Variants in SPAG16 observed in about 807,000 individuals in gnomAD.
The protein encoded by SPAG16 is sperm associated antigen 16.
A neutral mutation model predicts 80.4 loss-of-function variants in SPAG16; 86 were observed. The ratio of observed to expected loss-of-function variants is 1.07; its 90% CI spans 0.90 to 1.28. The LOEUF is 1.28. Ranked by LOEUF, SPAG16 falls within the 50% of genes most tolerant of loss-of-function variation. The pLI, the probability that SPAG16 is intolerant of heterozygous loss-of-function variation, is 0.00. For missense variants in SPAG16, 870 were observed against 765.3 expected (o/e 1.14, Z -1.61); for synonymous variants, 294 against 265.9 (o/e 1.11, Z -1.03).
chr2:213,363,988 A>G, intron 7 of SPAG16, 88 bp from the exon 8 acceptor site: 1 of 467,040 alleles, frequency 2.1e-6, no homozygotes. Context: ...TTTATATTTT[A>G]CAATGGATAT....
chr2:213,310,310 T>C, intron 4 of SPAG16, 133 bp downstream of exon 4: 1 of 450,674 alleles, frequency 2.2e-6, no homozygotes, highest in Non-Finnish European at 4.0e-6. Context: ...TCTCCAGCCC[T>C]GAAACCACAA....
rs1575715842 is a variant in SPAG16, at chr2:213,980,283, G to C, written c.1401-33668G>C. ...TGTATATATATTCTCTATATATATA[G>C]AATATATGTGTGTATATATATTCTC... On this transcript the variant is annotated intron_variant, in intron 12 of 15. Coordinates refer to ENST00000331683, the MANE Select transcript of SPAG16 (RefSeq NM_024532.5). Among the ~76,000 whole-genome samples, 30 of 39,030 alleles carry C rather than the reference G, an allele frequency of 7.7e-4. 4 individuals carry two copies. The highest frequency in any genetic ancestry group is 6.3e-3 in the African/African-American group (30 of 4,798). The allele number at this position is 39,030 out of a possible 152,430, so 25.6% of individuals were successfully genotyped here. A position where few individuals can be genotyped will look rare whatever the true frequency, so the allele number is the denominator to read the frequency against.
chr2:213,492,150 C>G (rs559705351), intron 10 of SPAG16, among the ~76,000 whole-genome samples: 1 of 152,294 alleles, frequency 6.6e-6, no homozygotes, highest in African/African-American at 2.4e-5. Flanking sequence ...TCTGCGACTT[C>G]TTTCTCTGTA....
At chr2:214,207,796 G>T (rs2058184801) in intron 15 of SPAG16, among the ~76,000 whole-genome samples, 1 of 152,192 alleles carries the variant, frequency 6.6e-6, no homozygotes, top group African/African-American at 2.4e-5. Context: ...GAACAAAGCA[G>T]AGAAGAAGGT....
chr2:213,704,339 C>A (rs1386129507), intron 10 of SPAG16, among the ~76,000 whole-genome samples: 6 of 152,090 alleles, frequency 3.9e-5, no homozygotes, highest in African/African-American at 7.2e-5. Context: ...GCTTTACAGG[C>A]ACTACAGTAT....
intron 11 of SPAG16, among the ~76,000 whole-genome samples, chr2:213,879,694 C>T (rs1302778013): frequency 6.6e-6 from 1 of 151,990 alleles, no homozygotes; most frequent in Non-Finnish European, 1.5e-5. Flanking sequence ...GCAGAGTGTG[C>T]TCAATCTTTA....
intron 10 of SPAG16, among the ~76,000 whole-genome samples, chr2:213,762,754 G>A (rs185388979): frequency 1.9e-4 from 29 of 152,202 alleles, no homozygotes; most frequent in Middle Eastern, 6.8e-3. Context: ...CACCAAAAGC[G>A]TAGGCAACAA....
At chr2:213,846,857 T>C (rs140974219) in intron 10 of SPAG16, among the ~76,000 whole-genome samples, 87 of 152,308 alleles carry the variant, frequency 5.7e-4, no homozygotes, top group African/African-American at 2.0e-3. Flanking sequence ...TGGCTTCTGC[T>C]GCTTAGAATC....
chr2:214,087,463 C>T (rs2051847677), intron 13 of SPAG16, among the ~76,000 whole-genome samples: 1 of 151,972 alleles, frequency 6.6e-6, no homozygotes, highest in Non-Finnish European at 1.5e-5. Flanking sequence ...CATTATGTCC[C>T]AGGAAACTGT....
chr2:213,854,431 A>G (rs1248401491), intron 10 of SPAG16, among the ~76,000 whole-genome samples: 1 of 152,206 alleles, frequency 6.6e-6, no homozygotes, highest in Non-Finnish European at 1.5e-5. Flanking sequence ...AAATGCCCTG[A>G]TGGATCAGTA....
intron 9 of SPAG16, among the ~76,000 whole-genome samples, chr2:213,480,349 A>T (rs1283734854): frequency 6.6e-6 from 1 of 152,224 alleles, no homozygotes; most frequent in East Asian, 1.9e-4. Flanking sequence ...ATATCCCCTT[A>T]GCCAATAATG....
At chr2:214,283,646 C>T (rs764927917) in intron 15 of SPAG16, among the ~76,000 whole-genome samples, 1 of 152,034 alleles carries the variant, frequency 6.6e-6, no homozygotes, top group East Asian at 1.9e-4. Context: ...AAAGCTTTAG[C>T]CAAAATTTAG....
At chr2:214,379,638 A>G (rs1700337900) in intron 15 of SPAG16, among the ~76,000 whole-genome samples, 1 of 152,228 alleles carries the variant, frequency 6.6e-6, no homozygotes, top group East Asian at 1.9e-4. Context: ...AGGTGAGGAA[A>G]GATCCCTCTA....
At chr2:213,343,561 A>G (rs1376383258) in intron 6 of SPAG16, among the ~76,000 whole-genome samples, 1 of 152,182 alleles carries the variant, frequency 6.6e-6, no homozygotes, top group Non-Finnish European at 1.5e-5. Flanking sequence ...GAGAAAAGAA[A>G]ATTACAGAAT....
At chr2:214,269,684 G>T (rs1005155765) in intron 15 of SPAG16, among the ~76,000 whole-genome samples, 1 of 152,078 alleles carries the variant, frequency 6.6e-6, no homozygotes, top group Non-Finnish European at 1.5e-5. Context: ...GAAGGAGGGG[G>T]TGGTGAAACA....
intron 10 of SPAG16, among the ~76,000 whole-genome samples, chr2:213,717,948 C>G (rs539656050): frequency 3.0e-4 from 46 of 152,058 alleles, no homozygotes; most frequent in Non-Finnish European, 5.3e-4. Flanking sequence ...GCTTAGACTT[C>G]ATGACTAAAA....
At chr2:213,860,468 T>TGTATATATATATA (rs1559529560) in intron 10 of SPAG16, among the ~76,000 whole-genome samples, 10 of 126,392 alleles carry the variant, frequency 7.9e-5, no homozygotes, top group African/African-American at 2.2e-4. Context: ...TACAGATATA[T>TGTATATATATATA]CTATCTATAT....
intron 9 of SPAG16, among the ~76,000 whole-genome samples, chr2:213,405,384 T>A (rs1321834277): frequency 6.6e-6 from 1 of 152,222 alleles, no homozygotes; most frequent in Admixed American, 6.5e-5. Context: ...GGGGTACATG[T>A]GATATTTTGA....
chr2:214,237,782 T>C (rs1323565239), intron 15 of SPAG16, among the ~76,000 whole-genome samples: 2 of 151,988 alleles, frequency 1.3e-5, no homozygotes, highest in South Asian at 4.2e-4. Flanking sequence ...CAAGGTAAAA[T>C]ATATAGTATA....
Sources: allele counts gnomAD v4.1 joint callset (sites outside exome capture counted in the v4.1 genomes callset), GRCh38; gene constraint gnomAD v4.1.1; transcripts MANE v1.5; gene names NCBI Gene and HGNC (gene_info 2026-07-23, HGNC 2026-07-21).